NRG3: variants seen among roughly 807,000 people sequenced by gnomAD.
NRG3 encodes pro-neuregulin-3, membrane-bound isoform.
In NRG3, 31 loss-of-function variants were observed where a neutral mutation model predicts 66.9. The ratio of observed to expected loss-of-function variants is 0.46; its 90% CI spans 0.35 to 0.63. NRG3 has a LOEUF of 0.63. Among genes scored for constraint, NRG3 ranks in the 20% least tolerant of loss-of-function variants. NRG3 has a pLI of 0.00. For missense variants in NRG3, 910 were observed against 878.9 expected, an observed-to-expected ratio of 1.04 and a Z score of -0.45; for synonymous variants, 393 against 359.4, an observed-to-expected ratio of 1.09 and a Z score of -1.06.
intron 1 of NRG3, among the ~76,000 whole-genome samples, chr10:82,328,363 ATTAAAT>A (rs2081975406): frequency 6.6e-6 from 1 of 152,212 alleles, no homozygotes; most frequent in Non-Finnish European, 1.5e-5. Flanking sequence ...AATTTTTAAA[ATTAAAT>A]TAAAGTTTTA....
chr10:81,938,618 A>T (rs879213498), intron 1 of NRG3, among the ~76,000 whole-genome samples: 74 of 144,272 alleles, frequency 5.1e-4, no homozygotes, highest in South Asian at 2.2e-4. Context: ...GAGTTCTGAC[A>T]GTGTGTGTGT....
intron 1 of NRG3, among the ~76,000 whole-genome samples, chr10:82,137,161 A>G (rs2069429144): frequency 6.6e-6 from 1 of 152,084 alleles, no homozygotes; most frequent in Non-Finnish European, 1.5e-5. Context: ...TCCTCTGTAG[A>G]TTTTGAATAC....
At chr10:82,229,236 A>C (rs1000084391) in intron 1 of NRG3, 7 of 152,182 alleles carry the variant, frequency 4.6e-5, no homozygotes, top group African/African-American at 1.7e-4. Flanking sequence ...AAATAATTAG[A>C]ATAGAAAGCA....
rs34314444 is a variant in NRG3 at position 82,551,607 on chromosome 10, T to TG, written c.954-186970_954-186969insG. Among the ~76,000 whole-genome samples, 26 of 47,526 alleles carry TG rather than the reference T, an allele frequency of 5.5e-4. No individual in the cohort carries two copies. The South Asian group carries it at 0.01, about 18-fold the overall frequency. 31.2% of individuals were successfully genotyped at this position (47,526 alleles called of 152,430 possible). ...TTTTTATTTTTATTTTAAAATACTG[T>TG]TTTTTTTTTTAAATCAGATACATGA... On this transcript the variant is annotated intron_variant, in intron 2 of 8. Transcript: ENST00000372141.
chr10:82,961,480 G>T (rs1039650977), intron 6 of NRG3, among the ~76,000 whole-genome samples: 22 of 152,184 alleles, frequency 1.4e-4, no homozygotes, highest in Admixed American at 1.0e-3. Flanking sequence ...CTTGAGAAAG[G>T]TATGTCTGTC....
Position 82,986,439 on chromosome 10 carries a change from G to A in NRG3, c.*834G>A, listed in dbSNP as rs1269530677. 1 of 152,164 alleles carries A rather than the reference G, an allele frequency of 6.6e-6. No individual in the cohort carries two copies. The highest frequency in any genetic ancestry group is 1.5e-5 in the Non-Finnish European group (1 of 68,034). 9.4% of individuals were successfully genotyped at this position (152,164 alleles called of 1,614,324 possible). On this transcript the variant is annotated 3_prime_UTR_variant, in exon 9 of 9. Coordinates refer to ENST00000372141, the MANE Select transcript of NRG3 (RefSeq NM_001010848.4). ...GCGGGCACATATGCTGTAAGCACAT[G>A]TGTTCATTGTGCGTATGTGTGTGCA...
At chr10:82,929,656 A>G (rs111230913) in intron 4 of NRG3, among the ~76,000 whole-genome samples, 14,270 of 152,020 alleles carry the variant, frequency 0.094, 898 homozygotes, top group African/African-American at 0.17. Context: ...GGCCGAGGCA[A>G]GAGGATCACT....
rs186040478 is a variant in NRG3, at chr10:82,174,123, G to T, written c.824-184616G>T. On this transcript the variant is annotated intron_variant, in intron 1 of 8. Transcript: ENST00000372141. The stretch of plus-strand genomic sequence containing the variant: ...ATGTGTGGTACATCATTACTGGGTA[G>T]AAGAACTGCTTCTAAAACCAAAAAA... Among the ~76,000 whole-genome samples, 7 of 152,194 alleles carry T rather than the reference G, an allele frequency of 4.6e-5. No individual in the cohort carries two copies. The East Asian group carries it at 1.4e-3, about 30-fold the overall frequency.
intron 2 of NRG3, among the ~76,000 whole-genome samples, chr10:82,704,909 A>C (rs988598020): frequency 3.3e-5 from 5 of 152,222 alleles, no homozygotes; most frequent in African/African-American, 1.2e-4. Context: ...ATATGCTCAG[A>C]ATATTACATC....
At chr10:82,089,987 T>TG (rs1395653288) in intron 1 of NRG3, among the ~76,000 whole-genome samples, 2 of 152,162 alleles carry the variant, frequency 1.3e-5, no homozygotes, top group Admixed American at 6.5e-5. Context: ...CATGGCATGG[T>TG]GGGGTTGAAA....
intron 3 of NRG3, among the ~76,000 whole-genome samples, chr10:82,759,883 G>A (rs957681295): frequency 6.6e-6 from 1 of 152,070 alleles, no homozygotes; most frequent in Admixed American, 6.6e-5. Context: ...CGGAAGGAAG[G>A]ATGGTAGGTA....
chr10:82,727,710 G>C (rs2057679728), intron 2 of NRG3, among the ~76,000 whole-genome samples: 1 of 152,216 alleles, frequency 6.6e-6, no homozygotes, highest in Admixed American at 6.5e-5. Flanking sequence ...TAGTGGAGCT[G>C]TGAGAAGAGA....
At chr10:82,545,783 CTTTTT>C (rs1002975772) in intron 2 of NRG3, among the ~76,000 whole-genome samples, 1 of 91,434 alleles carries the variant, frequency 1.1e-5, no homozygotes, top group African/African-American at 5.3e-5. Flanking sequence ...AATATCAACT[CTTTTT>C]TTTTTTTTTT....
At chr10:81,933,658 C>T (rs1028394536) in intron 1 of NRG3, among the ~76,000 whole-genome samples, 1 of 152,144 alleles carries the variant, frequency 6.6e-6, no homozygotes, top group Admixed American at 6.5e-5. Flanking sequence ...CATATACTTT[C>T]AGGCACCTCT....
intron 1 of NRG3, among the ~76,000 whole-genome samples, chr10:81,895,239 A>G (rs1432951934): frequency 2.0e-5 from 3 of 152,148 alleles, no homozygotes; most frequent in African/African-American, 7.2e-5. Context: ...TCATTGACAA[A>G]TCTATCCTTC....
At chr10:82,529,856 T>C (rs922133916) in intron 2 of NRG3, among the ~76,000 whole-genome samples, 2 of 152,190 alleles carry the variant, frequency 1.3e-5, no homozygotes, top group Middle Eastern at 3.2e-3. Flanking sequence ...TTAACTTCAC[T>C]CATTTTCTAT....
chr10:82,495,171 G>A (rs1342954414), intron 2 of NRG3, among the ~76,000 whole-genome samples: 4 of 151,984 alleles, frequency 2.6e-5, no homozygotes, highest in Admixed American at 2.0e-4. Flanking sequence ...TCCTGACCTC[G>A]TGATCTGCCC....
intron 2 of NRG3, among the ~76,000 whole-genome samples, chr10:82,438,736 T>G (rs151249999): frequency 6.6e-6 from 1 of 152,060 alleles, no homozygotes; most frequent in East Asian, 1.9e-4. Flanking sequence ...CCCGGCTGAG[T>G]AGCACGCTCA....
rs374850445 is a variant in NRG3 at position 82,018,609 on chromosome 10, G to C, written c.823+142446G>C. Among the ~76,000 whole-genome samples the C allele has an allele frequency of 5.3e-5, 8 of 151,900 alleles. No homozygotes were observed. In the East Asian group the frequency reaches 5.8e-4, roughly 11 times the overall value. ...ATTTGTTTGTATCCTCTTTTATTTC[G>C]TTGAGCAGTGGTTTGTAGTTCTCCT... On this transcript the variant is annotated intron_variant, in intron 1 of 8. Coordinates refer to ENST00000372141, the MANE Select transcript of NRG3 (RefSeq NM_001010848.4).
Sources: allele counts gnomAD v4.1 joint callset (sites outside exome capture counted in the v4.1 genomes callset), GRCh38; gene constraint gnomAD v4.1.1; transcripts MANE v1.5; gene names NCBI Gene and HGNC (gene_info 2026-07-23, HGNC 2026-07-21).